The following SEMA3A variants were observed in gnomAD, a reference collection of about 807,000 sequenced individuals.
SEMA3A encodes semaphorin-3A.
SEMA3A carries 29 observed loss-of-function variants against 97.9 expected under a neutral mutation model. That is an observed-to-expected ratio of 0.30 (90% CI 0.22 to 0.40). SEMA3A has a LOEUF of 0.40. SEMA3A is among the 10% of genes least tolerant of loss of function. SEMA3A has a pLI of 1.00. For synonymous variants in SEMA3A, 321 were observed against 323.7 expected, an observed-to-expected ratio of 0.99 and a Z score of 0.09; for missense variants, 763 against 951.3, an observed-to-expected ratio of 0.80 and a Z score of 2.60.
intron 11 of SEMA3A, among the ~76,000 whole-genome samples, chr7:84,003,216 G>T (rs932525537): frequency 6.6e-6 from 1 of 152,002 alleles, no homozygotes; most frequent in East Asian, 1.9e-4. Context: ...ACCAAAAAAA[G>T]TACACTTTTA....
intron 4 of SEMA3A, among the ~76,000 whole-genome samples, chr7:84,085,071 ATT>A (rs35914657): frequency 0.3 from 45,807 of 151,202 alleles, 7,519 homozygotes; most frequent in African/African-American, 0.44. Flanking sequence ...TGGTAAGAGA[ATT>A]TTTTTTTTCT....
intron 2 of SEMA3A, among the ~76,000 whole-genome samples, chr7:84,348,987 A>G (rs146799851): frequency 6.6e-6 from 1 of 152,120 alleles, no homozygotes; most frequent in South Asian, 2.1e-4. Flanking sequence ...CCATCTCAAA[A>G]AAAAAGTTCT....
intron 4 of SEMA3A, among the ~76,000 whole-genome samples, chr7:84,097,093 G>T (rs1044926459): frequency 1.3e-5 from 2 of 152,032 alleles, no homozygotes; most frequent in Admixed American, 1.3e-4. Context: ...AATGTGGGAC[G>T]CCAAGCATCC....
At chr7:84,338,932 A>G (rs570898591) in intron 2 of SEMA3A, among the ~76,000 whole-genome samples, 8 of 152,238 alleles carry the variant, frequency 5.3e-5, no homozygotes, top group African/African-American at 1.9e-4. Context: ...GAACAAAAAC[A>G]TGTTTTAGGT....
intron 1 of SEMA3A, among the ~76,000 whole-genome samples, chr7:84,477,094 T>TA: frequency 7.0e-6 from 1 of 142,994 alleles, no homozygotes; most frequent in Non-Finnish European, 1.5e-5. Flanking sequence ...ATATATATAT[T>TA]TTTCAAAAAA....
chr7:84,184,365 C>T (rs925029844), intron 1 of SEMA3A, among the ~76,000 whole-genome samples: 1 of 152,072 alleles, frequency 6.6e-6, no homozygotes, highest in Non-Finnish European at 1.5e-5. Flanking sequence ...CTATTGAACA[C>T]GGGGATCATG....
intron 2 of SEMA3A, among the ~76,000 whole-genome samples, chr7:84,339,345 T>C (rs992990830): frequency 1.3e-5 from 2 of 152,212 alleles, no homozygotes; most frequent in Admixed American, 6.5e-5. Flanking sequence ...GGCCTTAATA[T>C]GACCACATAT....
chr7:84,325,628 G>C lies in SEMA3A; in HGVS notation c.-168-18336C>G, dbSNP rs149235987. Among the ~76,000 whole-genome samples the C allele has an allele frequency of 5.1e-4, 78 of 152,046 alleles. No homozygotes were observed. The East Asian group carries it at 6.2e-3, about 12-fold the overall frequency. On this transcript the variant is annotated intron_variant, in intron 2 of 3. Coordinates refer to the SEMA3A transcript ENST00000424555. The stretch of plus-strand genomic sequence containing the variant: ...CACCAAGAGTCTTGTAGACCATCAA[G>C]GAATAGGCAGGCCAGGAGGAACCTT...
At chr7:84,264,817 T>C (rs1456345302) in intron 3 of SEMA3A, among the ~76,000 whole-genome samples, 2 of 152,182 alleles carry the variant, frequency 1.3e-5, no homozygotes, top group Non-Finnish European at 2.9e-5. Flanking sequence ...AGACACTGTC[T>C]CCTGTAAGTA....
chr7:84,277,726 G>T (rs1476892174), intron 3 of SEMA3A, among the ~76,000 whole-genome samples: 1 of 152,140 alleles, frequency 6.6e-6, no homozygotes. Context: ...TTACAATTAT[G>T]TAAGCAGGGC....
chr7:83,991,035 A>G (rs1235672791), intron 12 of SEMA3A, among the ~76,000 whole-genome samples: 1 of 150,946 alleles, frequency 6.6e-6, no homozygotes, highest in Non-Finnish European at 1.5e-5. Context: ...GGTCCTTCAC[A>G]TCCCTTGTAA....
intron 1 of SEMA3A, among the ~76,000 whole-genome samples, chr7:84,432,347 C>T (rs367928189): frequency 1.2e-3 from 182 of 152,052 alleles, no homozygotes; most frequent in African/African-American, 4.0e-3. Flanking sequence ...CTATTTTTCT[C>T]TTTATTCTCT....
intron 2 of SEMA3A, among the ~76,000 whole-genome samples, chr7:84,353,970 C>G (rs770458482): frequency 6.6e-6 from 1 of 151,412 alleles, no homozygotes; most frequent in African/African-American, 2.4e-5. Context: ...CTATTGAGAA[C>G]AGATGTTATC....
intron 3 of SEMA3A, among the ~76,000 whole-genome samples, chr7:84,306,895 T>C (rs147578930): frequency 1.3e-5 from 2 of 152,248 alleles, no homozygotes; most frequent in African/African-American, 4.8e-5. Flanking sequence ...CTCTGCTCTG[T>C]GGCTCCTGGG....
chr7:84,024,173 C>T (rs955878406), intron 6 of SEMA3A, among the ~76,000 whole-genome samples: 2 of 152,144 alleles, frequency 1.3e-5, no homozygotes, highest in Non-Finnish European at 2.9e-5. Flanking sequence ...TATATAAAAA[C>T]TGTTCTGTGA....
intron 3 of SEMA3A, among the ~76,000 whole-genome samples, chr7:84,238,268 A>G (rs1244729697): frequency 6.6e-6 from 1 of 151,940 alleles, no homozygotes; most frequent in Non-Finnish European, 1.5e-5. Flanking sequence ...GATTTCACCA[A>G]GTTGGCCAGG....
intron 1 of SEMA3A, among the ~76,000 whole-genome samples, chr7:84,157,490 G>A (rs563087447): frequency 6.6e-6 from 1 of 152,174 alleles, no homozygotes; most frequent in African/African-American, 2.4e-5. Flanking sequence ...TTAAGGGGAC[G>A]CTGGAGAGCA....
intron 2 of SEMA3A, among the ~76,000 whole-genome samples, chr7:84,311,508 G>A (rs932558409): frequency 6.6e-6 from 1 of 151,790 alleles, no homozygotes; most frequent in African/African-American, 2.4e-5. Flanking sequence ...ATCTAAACCA[G>A]ATTACAGGGT....
chr7:83,980,618 A>ACAAAACAAAACAAAAC (rs57547797), intron 14 of SEMA3A, among the ~76,000 whole-genome samples: 16 of 82,254 alleles, frequency 1.9e-4, no homozygotes, highest in African/African-American at 8.1e-4. Context: ...AAAAAAAAAA[A>ACAAAACAAAACAAAAC]AAAAAATATA....
Sources: allele counts gnomAD v4.1 joint callset (sites outside exome capture counted in the v4.1 genomes callset), GRCh38; gene constraint gnomAD v4.1.1; transcripts MANE v1.5; gene names NCBI Gene and HGNC (gene_info 2026-07-23, HGNC 2026-07-21).